ATG10: variants seen among roughly 807,000 people sequenced by gnomAD.
The protein encoded by ATG10 is ubiquitin-like-conjugating enzyme ATG10.
ATG10 carries 30 observed loss-of-function variants against 32.1 expected under a neutral mutation model. The observed-to-expected ratio is 0.94, with a 90% CI of 0.70 to 1.27. The LOEUF (loss-of-function observed/expected upper bound fraction) is 1.27, where lower values mean the gene tolerates loss of function less well. ATG10 is among the 50% of genes most tolerant of loss of function. The pLI, the probability that ATG10 is intolerant of heterozygous loss-of-function variation, is 0.00. For synonymous variants in ATG10, 87 were observed against 91.5 expected (o/e 0.95, Z 0.28); for missense variants, 233 against 262.3 (o/e 0.89, Z 0.77).
In ATG10 at chr5:82,229,598, T is replaced by C. The variant is rs534292191; in HGVS notation, c.454-22964T>C. ...GACCCTAGCCAAGGAAAATAAAGCT[T>C]TTTAGAGAAGTGGTGTGTTAATGCT... On this transcript the variant is annotated intron_variant, in intron 5 of 7. Transcript: ENST00000282185. 2.0e-5 allele frequency among the ~76,000 whole-genome samples: 3 copies of C among 152,310 alleles called. No individual in the cohort carries two copies. The East Asian group carries it at 5.8e-4, about 29-fold the overall frequency.
intron 3 of ATG10, among the ~76,000 whole-genome samples, chr5:82,114,866 C>T (rs539418883): frequency 2.0e-5 from 3 of 152,150 alleles, no homozygotes; most frequent in East Asian, 3.9e-4. Flanking sequence ...TACTATATGA[C>T]TTCTTTACTG....
chr5:82,174,221 C>T (rs1743921095), intron 4 of ATG10, among the ~76,000 whole-genome samples: 1 of 152,126 alleles, frequency 6.6e-6, no homozygotes, highest in Non-Finnish European at 1.5e-5. Flanking sequence ...TGAACTGTGA[C>T]TAGGCAAACC....
At position 82,058,431 on chromosome 5, in the gene ATG10, T is replaced by C. The variant is rs988296336; in HGVS notation, c.109-64T>C. 6 of 1,230,896 alleles carry C rather than the reference T, an allele frequency of 4.9e-6. No homozygotes were observed. In the African/African-American group the frequency reaches 8.9e-5, roughly 18 times the overall value. The allele number at this position is 1,230,896 out of a possible 1,614,324, so 76.2% of individuals were successfully genotyped here. A position where few individuals can be genotyped will look rare whatever the true frequency, so the allele number is the denominator to read the frequency against. On this transcript the variant is annotated intron_variant, in intron 2 of 7. Transcript: ENST00000282185. ...GTTTGGAACTTATGGGAAGTGGTTC[T>C]TAAAATGATGAATTCTTAAAATAAT...
chr5:82,080,083 T>C (rs1254690973), intron 3 of ATG10, among the ~76,000 whole-genome samples: 4 of 152,216 alleles, frequency 2.6e-5, no homozygotes, highest in Non-Finnish European at 4.4e-5. Flanking sequence ...TGGTATCTCA[T>C]TGTGGTTTTG....
At chr5:82,244,116 G>C (rs1164760986) in intron 5 of ATG10, among the ~76,000 whole-genome samples, 1 of 152,162 alleles carries the variant, frequency 6.6e-6, no homozygotes, top group Non-Finnish European at 1.5e-5. Context: ...ATTCACCAGT[G>C]ATTAAATCTG....
chr5:82,010,186 T>C, intron 2 of ATG10: 1 of 1,044,470 alleles, frequency 9.6e-7, no homozygotes, highest in Non-Finnish European at 1.4e-6. Flanking sequence ...TGTTTCCAAG[T>C]ACAGACAAAA....
At chr5:82,059,580 G>A (rs1235596842) in intron 3 of ATG10, among the ~76,000 whole-genome samples, 1 of 152,090 alleles carries the variant, frequency 6.6e-6, no homozygotes, top group Non-Finnish European at 1.5e-5. Flanking sequence ...GGATTGGTGA[G>A]GACCTAATTA....
intron 2 of ATG10, among the ~76,000 whole-genome samples, chr5:82,006,029 T>G (rs1761978754): frequency 6.6e-6 from 1 of 152,194 alleles, no homozygotes; most frequent in South Asian, 2.1e-4. Context: ...AGGGCTTGTT[T>G]GCTAATTTAT....
At chr5:82,163,149 T>C (rs1743433704) in intron 3 of ATG10, among the ~76,000 whole-genome samples, 1 of 152,226 alleles carries the variant, frequency 6.6e-6, no homozygotes, top group African/African-American at 2.4e-5. Context: ...TACAGATACC[T>C]ATGCCTAGTG....
chr5:82,060,265 C>T (rs1672767032), intron 3 of ATG10, among the ~76,000 whole-genome samples: 1 of 152,144 alleles, frequency 6.6e-6, no homozygotes. Context: ...TATATACTTA[C>T]CACCTAAAGT....
At chr5:82,142,541 G>A (rs1177148636) in intron 3 of ATG10, among the ~76,000 whole-genome samples, 1 of 152,094 alleles carries the variant, frequency 6.6e-6, no homozygotes, top group African/African-American at 2.4e-5. Context: ...GGAAGATAAG[G>A]GTGCACATAT....
intron 3 of ATG10, among the ~76,000 whole-genome samples, chr5:82,091,534 A>G (rs953322313): frequency 2.0e-5 from 3 of 152,198 alleles, no homozygotes; most frequent in African/African-American, 7.2e-5. Context: ...CTCTTTTAAC[A>G]GAGATCTTCT....
intron 5 of ATG10, among the ~76,000 whole-genome samples, chr5:82,186,568 A>G (rs1449598094): frequency 1.3e-5 from 2 of 149,710 alleles, no homozygotes; most frequent in Non-Finnish European, 3.0e-5. Flanking sequence ...GGTACCATAC[A>G]TGGTCAGGGT....
intron 2 of ATG10, among the ~76,000 whole-genome samples, chr5:82,036,846 T>C (rs1383586367): frequency 6.6e-6 from 1 of 151,892 alleles, no homozygotes; most frequent in African/African-American, 2.4e-5. Flanking sequence ...AATTTTTCAA[T>C]TGAAGGCCAG....
intron 3 of ATG10, among the ~76,000 whole-genome samples, chr5:82,149,360 T>TTTTGTTTGG (rs1270949060): frequency 6.6e-6 from 1 of 150,460 alleles, no homozygotes; most frequent in Admixed American, 6.6e-5. Flanking sequence ...GCTTTCCAAA[T>TTTTGTTTGG]AGATTATTTA....
At chr5:82,065,079 T>A in intron 3 of ATG10, among the ~76,000 whole-genome samples, 1 of 152,214 alleles carries the variant, frequency 6.6e-6, no homozygotes, top group Non-Finnish European at 1.5e-5. Context: ...GTAGGTAGTA[T>A]GATTTTGCAT....
At chr5:82,153,201 G>A (rs1767672260) in intron 3 of ATG10, among the ~76,000 whole-genome samples, 1 of 152,152 alleles carries the variant, frequency 6.6e-6, no homozygotes, top group Non-Finnish European at 1.5e-5. Context: ...TTCCTTGAGA[G>A]CAAACACCAT....
At chr5:82,088,397 A>C (rs771331052) in intron 3 of ATG10, among the ~76,000 whole-genome samples, 3 of 152,168 alleles carry the variant, frequency 2.0e-5, no homozygotes, top group Non-Finnish European at 2.9e-5. Flanking sequence ...GAGAAGGGAA[A>C]AATTGCAATT....
rs1025373885 is a variant in ATG10, at chr5:82,089,911, T to C, written c.216+31309T>C. On this transcript the variant is annotated intron_variant, in intron 3 of 7. Coordinates refer to ENST00000282185, the MANE Select transcript of ATG10 (RefSeq NM_031482.5). ...CCAGAACTTAACATTATAAAAACAG[T>C]CCAATAGAAAAATGAGCAAAAGACT... Among the ~76,000 whole-genome samples the C allele has an allele frequency of 4.0e-5, 6 of 150,998 alleles. No homozygotes were observed. The East Asian group carries it at 1.2e-3, about 29-fold the overall frequency.
Sources: gnomAD v4.1 joint callset for allele counts (sites outside exome capture counted in the v4.1 genomes callset) on GRCh38, gnomAD v4.1.1 for gene constraint, MANE v1.5 for transcripts, NCBI Gene and HGNC (gene_info 2026-07-23, HGNC 2026-07-21) for gene names.